Variants in CHCHD6 observed in about 807,000 individuals in gnomAD.
CHCHD6 encodes the protein coiled-coil-helix-coiled-coil-helix domain containing 6.
CHCHD6 carries 28 observed loss-of-function variants against 32.3 expected under a neutral mutation model. The observed-to-expected ratio is 0.87, with a 90% CI of 0.64 to 1.19. CHCHD6 has a LOEUF of 1.19. CHCHD6 is among the 50% of genes most tolerant of loss of function. The probability of loss-of-function intolerance (pLI) is 0.00; values close to 1 mark genes in which losing one functional copy is unlikely to be tolerated. For missense variants in CHCHD6, 333 were observed against 307.0 expected, an observed-to-expected ratio of 1.08 and a Z score of -0.63; for synonymous variants, 122 against 117.5, an observed-to-expected ratio of 1.04 and a Z score of -0.25.
At chr3:126,897,237 C>A (rs1428591372) in intron 5 of CHCHD6, among the ~76,000 whole-genome samples, 1 of 152,120 alleles carries the variant, frequency 6.6e-6, no homozygotes, top group Non-Finnish European at 1.5e-5. Flanking sequence ...AGGCTGGCCG[C>A]ATTTCAGGAA....
intron 4 of CHCHD6, among the ~76,000 whole-genome samples, chr3:126,747,200 A>G (rs533290022): frequency 6.6e-6 from 1 of 152,182 alleles, no homozygotes; most frequent in Non-Finnish European, 1.5e-5. Flanking sequence ...CAGTTTCTCT[A>G]ACTGAGGTCT....
At chr3:126,838,157 G>A (rs948338741) in intron 4 of CHCHD6, among the ~76,000 whole-genome samples, 2 of 152,196 alleles carry the variant, frequency 1.3e-5, no homozygotes, top group Non-Finnish European at 2.9e-5. Flanking sequence ...AGGAAATGGG[G>A]GCTGCAGAGA....
At chr3:126,751,783 C>T (rs2107668197) in intron 4 of CHCHD6, among the ~76,000 whole-genome samples, 1 of 152,280 alleles carries the variant, frequency 6.6e-6, no homozygotes, top group Middle Eastern at 3.4e-3. Context: ...ACTGAATCCT[C>T]TGTTGTCCCT....
At chr3:126,797,050 C>T (rs573406571) in intron 4 of CHCHD6, among the ~76,000 whole-genome samples, 1 of 152,244 alleles carries the variant, frequency 6.6e-6, no homozygotes, top group South Asian at 2.1e-4. Context: ...GATGGATGAA[C>T]CGCATCTGGC....
At chr3:126,774,671 A>G (rs1249435234) in intron 4 of CHCHD6, among the ~76,000 whole-genome samples, 1 of 151,998 alleles carries the variant, frequency 6.6e-6, no homozygotes, top group Non-Finnish European at 1.5e-5. Context: ...CTTCTCTGAC[A>G]CCCTGGCAGG....
intron 4 of CHCHD6, among the ~76,000 whole-genome samples, chr3:126,746,230 G>A (rs1233805971): frequency 1.3e-5 from 2 of 152,198 alleles, no homozygotes; most frequent in Non-Finnish European, 2.9e-5. Flanking sequence ...CTCTGCGCTT[G>A]TGCCCACAGG....
intron 4 of CHCHD6, among the ~76,000 whole-genome samples, chr3:126,841,930 A>C (rs1941101364): frequency 6.6e-6 from 1 of 151,176 alleles, no homozygotes; most frequent in Admixed American, 6.6e-5. Flanking sequence ...AAACAAAACA[A>C]AACCATTGCT....
intron 5 of CHCHD6, among the ~76,000 whole-genome samples, chr3:126,862,414 T>A (rs1576512882): frequency 2.6e-5 from 3 of 115,132 alleles, no homozygotes; most frequent in Non-Finnish European, 3.6e-5. Flanking sequence ...CACCTCCTCC[T>A]CCACCATCAC....
At chr3:126,769,336 A>C (rs1236486122) in intron 4 of CHCHD6, among the ~76,000 whole-genome samples, 2 of 152,044 alleles carry the variant, frequency 1.3e-5, no homozygotes, top group Non-Finnish European at 2.9e-5. Context: ...GGTATGTGGC[A>C]TTACTTCTGG....
intron 4 of CHCHD6, among the ~76,000 whole-genome samples, chr3:126,733,565 G>C (rs1935909592): frequency 6.6e-6 from 1 of 152,240 alleles, no homozygotes; most frequent in Non-Finnish European, 1.5e-5. Context: ...AGGAGCGTGT[G>C]AGGGCAGAGG....
chr3:126,853,567 G>A (rs112822607), intron 5 of CHCHD6, among the ~76,000 whole-genome samples: 1 of 152,160 alleles, frequency 6.6e-6, no homozygotes, highest in Non-Finnish European at 1.5e-5. Context: ...ATGCCACAGT[G>A]GAGGCTGACA....
At chr3:126,704,872 C>T (rs564188637) in intron 1 of CHCHD6, among the ~76,000 whole-genome samples, 2 of 152,180 alleles carry the variant, frequency 1.3e-5, no homozygotes, top group African/African-American at 2.4e-5. Flanking sequence ...AGATCTGATC[C>T]CCTTCCTTGC....
At chr3:126,736,822 A>G (rs1559813772) in intron 4 of CHCHD6, among the ~76,000 whole-genome samples, 1 of 152,172 alleles carries the variant, frequency 6.6e-6, no homozygotes, top group Non-Finnish European at 1.5e-5. Flanking sequence ...TAGGAGTCCA[A>G]ATCAAACATT....
At chr3:126,750,625 C>G (rs1183979854) in intron 4 of CHCHD6, among the ~76,000 whole-genome samples, 1 of 152,232 alleles carries the variant, frequency 6.6e-6, no homozygotes, top group Admixed American at 6.5e-5. Flanking sequence ...GCCTCTAGGC[C>G]TGAGTCTTGA....
intron 5 of CHCHD6, among the ~76,000 whole-genome samples, chr3:126,900,947 C>T (rs996914126): frequency 2.6e-5 from 4 of 152,048 alleles, no homozygotes; most frequent in African/African-American, 9.7e-5. Flanking sequence ...CCTGACCTCA[C>T]TCATCACCAA....
intron 6 of CHCHD6, 36 bp from the exon 7 acceptor site, chr3:126,957,380 C>G: frequency 6.2e-7 from 1 of 1,600,696 alleles, no homozygotes; most frequent in Admixed American, 1.7e-5. Flanking sequence ...CTGCTGGCAC[C>G]TGAGCCCCAG....
chr3:126,750,130 A>C lies in CHCHD6; in HGVS notation c.411+16908A>C, dbSNP rs114151309. Among the ~76,000 whole-genome samples, 284 of 152,222 alleles carry C rather than the reference A, an allele frequency of 1.9e-3. 1 individual carries two copies. The highest frequency in any genetic ancestry group is 5.2e-3 in the African/African-American group (218 of 41,528). On this transcript the variant is annotated intron_variant, in intron 4 of 7. Transcript: ENST00000290913. ...TTGAATCATTTACAAAACATTGCGC[A>C]ATTGGGATAGCTGCTCAGTTCTCCA...
chr3:126,841,125 A>G (rs960212907), intron 4 of CHCHD6, among the ~76,000 whole-genome samples: 2 of 150,938 alleles, frequency 1.3e-5, no homozygotes, highest in African/African-American at 2.4e-5. Flanking sequence ...ATTCCCACCT[A>G]TGAGTGAGAA....
chr3:126,762,988 T>C (rs1233979097), intron 4 of CHCHD6, among the ~76,000 whole-genome samples: 1 of 152,238 alleles, frequency 6.6e-6, no homozygotes, highest in Non-Finnish European at 1.5e-5. Context: ...TGCCAATCTC[T>C]GCCTTTTGAT....
Sources: gnomAD v4.1 joint callset for allele counts (sites outside exome capture counted in the v4.1 genomes callset) on GRCh38, gnomAD v4.1.1 for gene constraint, MANE v1.5 for transcripts, NCBI Gene and HGNC (gene_info 2026-07-23, HGNC 2026-07-21) for gene names.